Variants in ZNF609 observed in about 807,000 individuals in gnomAD.
ZNF609 encodes the protein zinc finger protein 609.
In ZNF609, 11 loss-of-function variants were observed where a neutral mutation model predicts 109.5. That is an observed-to-expected ratio of 0.10 (90% CI 0.06 to 0.17). The LOEUF (loss-of-function observed/expected upper bound fraction) is 0.17, where lower values mean the gene tolerates loss of function less well. Among genes scored for constraint, ZNF609 ranks in the 10% least tolerant of loss-of-function variants. The probability of loss-of-function intolerance (pLI) is 1.00; values close to 1 mark genes in which losing one functional copy is unlikely to be tolerated. For missense variants in ZNF609, 1,559 were observed against 1,772.4 expected (o/e 0.88, Z 2.16); for synonymous variants, 646 against 662.0 (o/e 0.98, Z 0.37).
At chr15:64,487,756 C>G (rs1039323314) in intron 1 of ZNF609, among the ~76,000 whole-genome samples, 10 of 152,154 alleles carry the variant, frequency 6.6e-5, no homozygotes, top group Non-Finnish European at 4.4e-5. Flanking sequence ...CCTCAGCCTC[C>G]TGAGTAGCTG....
chr15:64,566,872 T>C (rs1387596424), intron 2 of ZNF609, among the ~76,000 whole-genome samples: 2 of 152,148 alleles, frequency 1.3e-5, no homozygotes, highest in African/African-American at 4.8e-5. Flanking sequence ...ACCATTCTCT[T>C]CCAGGTCATG....
chr15:64,602,966 C>G (rs576440062), intron 2 of ZNF609, among the ~76,000 whole-genome samples: 1 of 132,754 alleles, frequency 7.5e-6, no homozygotes, highest in Admixed American at 9.0e-5. Flanking sequence ...AGGATGGTCT[C>G]GATCTCCTGA....
At chr15:64,605,490 A>G (rs1895579691) in intron 2 of ZNF609, among the ~76,000 whole-genome samples, 1 of 152,236 alleles carries the variant, frequency 6.6e-6, no homozygotes, top group Non-Finnish European at 1.5e-5. Flanking sequence ...AGTTAAGTTA[A>G]CAAGATACTA....
At position 64,564,120 on chromosome 15, in the gene ZNF609, G is replaced by A. The variant is rs142360162; in HGVS notation, c.748-58707G>A. Among the ~76,000 whole-genome samples the A allele has an allele frequency of 2.0e-3, 297 of 151,710 alleles. 5 individuals carry two copies. Among genetic ancestry groups the A allele is most frequent in the Admixed American group, 0.015 (235 of 15,164 alleles). Reference sequence around the variant, plus strand: ...CACCATCCCACCCTGTCCCACCCAGGATGTAAACTGTTAGCCTTTATCTAG... The same window carrying A: ...CACCATCCCACCCTGTCCCACCCAGAATGTAAACTGTTAGCCTTTATCTAG... On this transcript the variant is annotated intron_variant, in intron 2 of 9. Transcript: ENST00000326648.
chr15:64,625,928 TATATATATAGAGAGAGAG>T (rs1352555486), intron 3 of ZNF609, among the ~76,000 whole-genome samples: 9 of 73,622 alleles, frequency 1.2e-4, no homozygotes, highest in African/African-American at 3.7e-4. Context: ...TATATATATA[TATATATATAGAGAGAGAG>T]AGAGAGAGAG....
chr15:64,615,137 T>G (rs890140621), intron 2 of ZNF609, among the ~76,000 whole-genome samples: 6 of 151,510 alleles, frequency 4.0e-5, no homozygotes, highest in African/African-American at 1.5e-4. Flanking sequence ...TGTTTTGTTT[T>G]GTTTTGAAGA....
In ZNF609 at chr15:64,499,403, G is replaced by A; in HGVS notation, c.-17G>A. The A allele has an allele frequency of 6.2e-7, 1 of 1,607,074 alleles. No homozygotes were observed. The highest frequency in any genetic ancestry group is 8.5e-7 in the Non-Finnish European group (1 of 1,175,762). On this transcript the variant is annotated 5_prime_UTR_variant, in exon 2 of 10. Transcript: ENST00000326648. ...AAGGAAGAGCCTTGAATCTTGAGGT[G>A]GGACGTTGACTCTAAGATGTCCTTG...
At chr15:64,581,291 A>G (rs1469510346) in intron 2 of ZNF609, among the ~76,000 whole-genome samples, 1 of 152,046 alleles carries the variant, frequency 6.6e-6, no homozygotes, top group East Asian at 1.9e-4. Context: ...CTGGGCATGT[A>G]TACGTCCTTG....
chr15:64,678,450 G>T lies in ZNF609; in HGVS notation c.3737G>T (p.Ser1246Ile). 1.2e-6 allele frequency: 2 copies of T among 1,601,444 alleles called. No homozygotes were observed. Among genetic ancestry groups the T allele is most frequent in the Non-Finnish European group, 1.7e-6 (2 of 1,173,328 alleles). ...SYDPNHPSYR[S>I]MPAVMMQNYP... Reference sequence around the variant, plus strand: ...GACCCCAACCACCCCAGCTACCGGAGCATGCCTGCTGTGATGATGCAGAAC... The same window carrying T: ...GACCCCAACCACCCCAGCTACCGGATCATGCCTGCTGTGATGATGCAGAAC... Residue 1246 changes from serine to isoleucine, a missense_variant, in exon 6 of 10, where the codon AGC becomes ATC. Ser to Ile is a moderately radical substitution (Grantham distance 142, BLOSUM62 -2). This residue lies in a region of ZNF609 where 1,204 missense variants were observed against 1,314.1 expected (regional missense o/e 0.92). Transcript: ENST00000326648.
In ZNF609 at chr15:64,622,660, T is replaced by A. The variant is rs553861106; in HGVS notation, c.748-167T>A. On this transcript the variant is annotated intron_variant, in intron 2 of 9. Coordinates refer to ENST00000326648, the MANE Select transcript of ZNF609 (RefSeq NM_015042.2). ...GGATGTTCTCATCTAAACCACTAGA[T>A]TTGTAGTGGTATCATAAGCCAGAAC... Among the ~76,000 whole-genome samples the A allele has an allele frequency of 3.9e-5, 6 of 152,302 alleles. No individual in the cohort carries two copies. The East Asian group carries it at 1.2e-3, about 29-fold the overall frequency.
At chr15:64,499,197 C>G (rs1893523077) in intron 1 of ZNF609, 96 bp from the exon 2 acceptor site, 4 of 527,036 alleles carry the variant, frequency 7.6e-6, no homozygotes, top group Non-Finnish European at 1.0e-5. Flanking sequence ...ATATGATAGC[C>G]CCATAGGAAG....
intron 2 of ZNF609, among the ~76,000 whole-genome samples, chr15:64,540,168 A>G (rs74019260): frequency 0.016 from 2,408 of 152,248 alleles, 70 homozygotes; most frequent in African/African-American, 0.055. Flanking sequence ...CCGCATCTTC[A>G]TCTTTTCTTC....
intron 2 of ZNF609, among the ~76,000 whole-genome samples, chr15:64,536,723 A>ACC (rs34575004): frequency 0.027 from 3,379 of 125,194 alleles, 126 homozygotes; most frequent in African/African-American, 0.1. Context: ...CTAAAATTCC[A>ACC]CCCCCCCCCC....
chr15:64,525,320 A>G (rs1043791882), intron 2 of ZNF609, among the ~76,000 whole-genome samples: 7 of 152,278 alleles, frequency 4.6e-5, no homozygotes, highest in East Asian at 1.9e-4. Flanking sequence ...CCTAGCACCA[A>G]TCGTTGAAAA....
intron 3 of ZNF609, among the ~76,000 whole-genome samples, chr15:64,669,559 CT>C (rs1896696288): frequency 6.6e-6 from 1 of 152,092 alleles, no homozygotes. Context: ...GGAAGGGACA[CT>C]TCATTTTATA....
At chr15:64,603,242 C>T (rs904519464) in intron 2 of ZNF609, among the ~76,000 whole-genome samples, 71 of 151,588 alleles carry the variant, frequency 4.7e-4, no homozygotes, top group Middle Eastern at 6.8e-3. Context: ...TTTCTTACCT[C>T]CTTGACTTGA....
intron 2 of ZNF609, among the ~76,000 whole-genome samples, chr15:64,587,420 T>G (rs533036301): frequency 7.4e-4 from 112 of 152,340 alleles, no homozygotes; most frequent in African/African-American, 2.5e-3. Flanking sequence ...TACATTTTTT[T>G]TCATAAATCC....
intron 3 of ZNF609, among the ~76,000 whole-genome samples, chr15:64,629,290 A>T (rs1022957176): frequency 2.0e-5 from 3 of 152,166 alleles, no homozygotes; most frequent in Non-Finnish European, 2.9e-5. Context: ...AGCCTTATCC[A>T]CAATATATTT....
At chr15:64,471,805 A>G (rs914677858) in intron 1 of ZNF609, among the ~76,000 whole-genome samples, 1 of 151,970 alleles carries the variant, frequency 6.6e-6, no homozygotes, top group African/African-American at 2.4e-5. Context: ...CTGGTCTCGA[A>G]CTCCCAAACT....
Sources: allele counts gnomAD v4.1 joint callset (sites outside exome capture counted in the v4.1 genomes callset), GRCh38; gene constraint gnomAD v4.1.1; regional missense constraint gnomAD v4.1.1; transcripts MANE v1.5; gene names NCBI Gene and HGNC (gene_info 2026-07-23, HGNC 2026-07-21).